The following SEC14L1 variants were observed in gnomAD, a reference collection of about 807,000 sequenced individuals.
The protein encoded by SEC14L1 is SEC14 like lipid binding 1, also known as SEC14-like protein 1.
A neutral mutation model predicts 85.3 loss-of-function variants in SEC14L1; 48 were observed. That is an observed-to-expected ratio of 0.56 (90% confidence interval 0.45 to 0.72). The LOEUF is 0.72. Among genes scored for constraint, SEC14L1 ranks in the 30% least tolerant of loss-of-function variants. The pLI is 0.00. For missense variants in SEC14L1, 682 were observed against 921.4 expected (o/e 0.74, Z 3.36); for synonymous variants, 391 against 355.5 (o/e 1.10, Z -1.12).
intron 3 of SEC14L1, among the ~76,000 whole-genome samples, chr17:77,170,109 G>A (rs1383213755): frequency 6.6e-6 from 1 of 152,084 alleles, no homozygotes; most frequent in Non-Finnish European, 1.5e-5. Flanking sequence ...ATCCCCACAG[G>A]GCATAACAAG....
chr17:77,161,712 CTTTTTTTT>C (rs763767954), intron 3 of SEC14L1, among the ~76,000 whole-genome samples: 9 of 103,056 alleles, frequency 8.7e-5, no homozygotes, highest in Admixed American at 7.6e-4. Flanking sequence ...TAAATTGGTT[CTTTTTTTT>C]TTTTTTTTTT....
intron 3 of SEC14L1, among the ~76,000 whole-genome samples, chr17:77,115,305 T>C (rs1972146751): frequency 6.6e-6 from 1 of 152,092 alleles, no homozygotes; most frequent in South Asian, 2.1e-4. Context: ...GGTGTGCGCC[T>C]GTAATCTCAG....
chr17:77,162,142 A>C (rs1974092554), intron 3 of SEC14L1, among the ~76,000 whole-genome samples: 1 of 151,724 alleles, frequency 6.6e-6, no homozygotes, highest in Admixed American at 6.6e-5. Context: ...TCTGCACCGG[A>C]CCCCAGTCCT....
chr17:77,198,766 G>T (rs888078904), intron 8 of SEC14L1, among the ~76,000 whole-genome samples: 1 of 151,970 alleles, frequency 6.6e-6, no homozygotes, highest in Non-Finnish European at 1.5e-5. Context: ...TAGAGATGGG[G>T]TTTCACTGTG....
chr17:77,160,539 T>C (rs77945825), intron 3 of SEC14L1, among the ~76,000 whole-genome samples: 4,284 of 152,344 alleles, frequency 0.028, 200 homozygotes, highest in African/African-American at 0.097. Context: ...TTCGTAGCCC[T>C]GTAGACATTC....
intron 6 of SEC14L1, among the ~76,000 whole-genome samples, 179 bp from the exon 7 acceptor site, chr17:77,194,498 G>T (rs1261401119): frequency 2.0e-5 from 3 of 151,762 alleles, no homozygotes; most frequent in Admixed American, 6.6e-5. Context: ...GGTACAGTGA[G>T]CTGTGATCAT....
chr17:77,194,446 T>C (rs565696793), intron 6 of SEC14L1, among the ~76,000 whole-genome samples: 1 of 151,708 alleles, frequency 6.6e-6, no homozygotes, highest in Admixed American at 6.6e-5. Flanking sequence ...TCCCAGCTAC[T>C]GGGGAGGCTG....
intron 3 of SEC14L1, among the ~76,000 whole-genome samples, chr17:77,184,993 A>G (rs1410919446): frequency 6.6e-6 from 1 of 152,178 alleles, no homozygotes; most frequent in Admixed American, 6.5e-5. Flanking sequence ...CCACAGTTAG[A>G]ATTGTGTATG....
intron 3 of SEC14L1, among the ~76,000 whole-genome samples, chr17:77,181,363 T>G (rs1975028230): frequency 6.6e-6 from 1 of 152,238 alleles, no homozygotes; most frequent in African/African-American, 2.4e-5. Context: ...CCAGTTGGTA[T>G]TAATCACCTT....
At position 77,206,287 on chromosome 17, in the gene SEC14L1, G is replaced by C. The variant is rs1457850017; in HGVS notation, c.1228G>C (p.Gly410Arg). Reference protein sequence around the residue: ...GLNMRHLWRPGVKALLRIIEV... With the variant: ...GLNMRHLWRPRVKALLRIIEV... Reference sequence around the variant, plus strand: ...GAACATGCGCCACTTGTGGAGACCTGGTGTGAAAGCGCTGCTGCGGATCAT... The same window carrying C: ...GAACATGCGCCACTTGTGGAGACCTCGTGTGAAAGCGCTGCTGCGGATCAT... The change falls in exon 12 of 17, where the codon GGT becomes CGT. Residue 410 changes from glycine to arginine, a missense_variant. Physicochemically the swap from Gly to Arg is moderately radical, Grantham distance 125. This residue lies in a region of SEC14L1 where 420 missense variants were observed against 619.5 expected (regional missense o/e 0.68). Coordinates refer to ENST00000436233, the MANE Select transcript of SEC14L1 (RefSeq NM_001143998.2). The surrounding 1 kb of genome is among the most constrained non-coding windows in gnomAD (Gnocchi z 4.3). 8.7e-6 allele frequency: 14 copies of C among 1,614,136 alleles called. No individual in the cohort carries two copies. The highest frequency in any genetic ancestry group is 1.2e-5 in the Non-Finnish European group (14 of 1,180,018).
At chr17:77,097,253 CA>C (rs1971668076) in intron 3 of SEC14L1, among the ~76,000 whole-genome samples, 1 of 152,192 alleles carries the variant, frequency 6.6e-6, no homozygotes, top group African/African-American at 2.4e-5. Context: ...AAAGTTTGCA[CA>C]AAGCCAGCAC....
intron 3 of SEC14L1, among the ~76,000 whole-genome samples, chr17:77,168,664 G>C (rs910102474): frequency 2.0e-5 from 3 of 152,288 alleles, no homozygotes; most frequent in African/African-American, 4.8e-5. Context: ...TGTTAGGGCT[G>C]AAAGTACAGC....
intron 3 of SEC14L1, among the ~76,000 whole-genome samples, chr17:77,173,830 C>T (rs1194574955): frequency 6.6e-6 from 1 of 152,082 alleles, no homozygotes; most frequent in Non-Finnish European, 1.5e-5. Flanking sequence ...ATTTCGCATC[C>T]TGGAGAAGGT....
intron 3 of SEC14L1, among the ~76,000 whole-genome samples, chr17:77,103,057 T>C (rs1014908261): frequency 6.6e-6 from 1 of 152,048 alleles, no homozygotes; most frequent in Non-Finnish European, 1.5e-5. Context: ...ATCCTCCACC[T>C]CGGCCTCCTA....
At chr17:77,187,273 T>C (rs1975308094) in intron 3 of SEC14L1, among the ~76,000 whole-genome samples, 1 of 152,190 alleles carries the variant, frequency 6.6e-6, no homozygotes, top group Admixed American at 6.5e-5. Context: ...AGAGTCATCC[T>C]GCAGTACCTT....
intron 3 of SEC14L1, among the ~76,000 whole-genome samples, chr17:77,156,621 T>C (rs1167125899): frequency 6.6e-6 from 1 of 151,446 alleles, no homozygotes; most frequent in East Asian, 1.9e-4. Flanking sequence ...GGTCTTGCAG[T>C]GTATGCTTTC....
At chr17:77,140,169 G>C (rs911530652), upstream of SEC14L1, among the ~76,000 whole-genome samples, 1 of 152,234 alleles carries the variant, frequency 6.6e-6, no homozygotes, top group African/African-American at 2.4e-5. Context: ...AGTGGTACCG[G>C]ATTGAAAATT....
chr17:77,091,814 ATT>A (rs55839227), intron 2 of SEC14L1, among the ~76,000 whole-genome samples: 4 of 144,764 alleles, frequency 2.8e-5, no homozygotes, highest in African/African-American at 2.5e-5. Flanking sequence ...AGTTTATGAA[ATT>A]TTTTTTTTTT....
chr17:77,150,598 T>C (rs1973511409), intron 3 of SEC14L1, among the ~76,000 whole-genome samples: 2 of 152,130 alleles, frequency 1.3e-5, no homozygotes, highest in Non-Finnish European at 2.9e-5. Context: ...TACTTCAGGG[T>C]GAGGAGACAC....
Sources: allele counts gnomAD v4.1 joint callset (sites outside exome capture counted in the v4.1 genomes callset), GRCh38; gene constraint gnomAD v4.1.1; regional missense constraint gnomAD v4.1.1; non-coding constraint Gnocchi (gnomAD v3.1); transcripts MANE v1.5; gene names NCBI Gene and HGNC (gene_info 2026-07-23, HGNC 2026-07-21).